Variants in RAB2A observed in about 807,000 individuals in gnomAD.
RAB2A encodes the protein RAB2A, member RAS oncogene family.
Under a neutral mutation model 32.5 loss-of-function variants are expected in RAB2A, and 7 were observed. The ratio of observed to expected loss-of-function variants is 0.22; its 90% CI spans 0.12 to 0.40. The LOEUF (loss-of-function observed/expected upper bound fraction) is 0.40, where lower values mean the gene tolerates loss of function less well. RAB2A is among the 10% of genes least tolerant of loss of function. RAB2A has a pLI of 1.00. For synonymous variants in RAB2A, 79 were observed against 85.2 expected (o/e 0.93, Z 0.40); for missense variants, 108 against 260.7 (o/e 0.41, Z 4.03).
At chr8:60,583,392 A>G (rs896886547) in intron 3 of RAB2A, among the ~76,000 whole-genome samples, 5 of 148,610 alleles carry the variant, frequency 3.4e-5, no homozygotes, top group African/African-American at 1.3e-4. Flanking sequence ...CCTCCCCAGC[A>G]ATTCTTAAAA....
In RAB2A at chr8:60,584,396, A is replaced by G. The variant is rs573139687; in HGVS notation, c.269+106A>G. The G allele has an allele frequency of 8.8e-5, 81 of 916,294 alleles. No individual in the cohort carries two copies. In the South Asian group the frequency reaches 1.1e-3, roughly 12 times the overall value. The allele number at this position is 916,294 out of a possible 1,614,324, so 56.8% of individuals were successfully genotyped here. ...ATAGCTTAGCCTTTCTGCCCCGGCTACTCACCTTTAAAACTGCATCTTGAG... is the reference window on the plus strand; with the variant it reads ...ATAGCTTAGCCTTTCTGCCCCGGCTGCTCACCTTTAAAACTGCATCTTGAG... On this transcript the variant is annotated intron_variant, in intron 4 of 7. Transcript: ENST00000262646.
At chr8:60,576,414 C>G (rs981785769) in intron 3 of RAB2A, 2 of 365,780 alleles carry the variant, frequency 5.5e-6, no homozygotes, top group African/African-American at 4.3e-5. Flanking sequence ...CCAGCATATC[C>G]AAATACATTT....
At chr8:60,525,616 G>C (rs1807366141) in intron 1 of RAB2A, among the ~76,000 whole-genome samples, 1 of 151,998 alleles carries the variant, frequency 6.6e-6, no homozygotes, top group South Asian at 2.1e-4. Context: ...TGTAGCTTTA[G>C]GTTTCTCCCA....
At chr8:60,525,937 A>T (rs1345243592) in intron 1 of RAB2A, among the ~76,000 whole-genome samples, 2 of 147,120 alleles carry the variant, frequency 1.4e-5, no homozygotes, top group Non-Finnish European at 3.0e-5. Flanking sequence ...AGATATATAT[A>T]TATGTCTATA....
chr8:60,558,801 A>G (rs758665507), intron 1 of RAB2A, 51 bp from the exon 2 acceptor site: 2 of 1,460,418 alleles, frequency 1.4e-6, no homozygotes, highest in Non-Finnish European at 1.9e-6. Flanking sequence ...TTTGTAAAGC[A>G]TCTTAATTTC....
At chr8:60,578,315 A>G (rs796094552) in intron 3 of RAB2A, among the ~76,000 whole-genome samples, 1 of 152,240 alleles carries the variant, frequency 6.6e-6, no homozygotes, top group South Asian at 2.1e-4. Flanking sequence ...AATAGTATTA[A>G]AACCAAATGA....
At chr8:60,524,495 T>G (rs1342819594) in intron 1 of RAB2A, among the ~76,000 whole-genome samples, 1 of 152,244 alleles carries the variant, frequency 6.6e-6, no homozygotes, top group Non-Finnish European at 1.5e-5. Flanking sequence ...AAAGAAACTG[T>G]CCCATTTGAT....
intron 3 of RAB2A, among the ~76,000 whole-genome samples, chr8:60,582,224 A>AT (rs1168417689): frequency 1.3e-5 from 2 of 152,028 alleles, no homozygotes; most frequent in Non-Finnish European, 2.9e-5. Flanking sequence ...GGCATGAGCC[A>AT]TTATACCCGG....
intron 1 of RAB2A, chr8:60,558,338 A>G (rs1807969160): frequency 2.2e-6 from 1 of 453,076 alleles, no homozygotes; most frequent in Non-Finnish European, 4.4e-6. Context: ...GTCAATTTTA[A>G]TAGAGTGAAG....
intron 1 of RAB2A, among the ~76,000 whole-genome samples, chr8:60,528,357 T>A (rs1418988269): frequency 6.6e-6 from 1 of 152,250 alleles, no homozygotes; most frequent in Non-Finnish European, 1.5e-5. Flanking sequence ...TATATCTTTT[T>A]TATCCTGCTT....
intron 1 of RAB2A, among the ~76,000 whole-genome samples, chr8:60,544,188 T>C (rs1236387408): frequency 6.6e-6 from 1 of 151,312 alleles, no homozygotes; most frequent in Non-Finnish European, 1.5e-5. Context: ...GCCTCCTGGA[T>C]TCAAGCTATT....
In RAB2A at chr8:60,548,886, G is replaced by C. The variant is rs1426194846; in HGVS notation, c.47-9966G>C. Among the ~76,000 whole-genome samples, 7 of 151,160 alleles carry C rather than the reference G, an allele frequency of 4.6e-5. No homozygotes were observed. The East Asian group carries it at 1.4e-3, about 30-fold the overall frequency. ...GAGACGCTCCTCACTTCTCAGACAG[G>C]GTGGCTGCCGGGCAGAGGGGCTCCT... is the stretch of plus-strand genomic sequence containing the variant. On this transcript the variant is annotated intron_variant, in intron 1 of 7. Transcript: ENST00000262646.
At chr8:60,568,991 T>C (rs993191608) in intron 2 of RAB2A, among the ~76,000 whole-genome samples, 1 of 152,232 alleles carries the variant, frequency 6.6e-6, no homozygotes, top group Non-Finnish European at 1.5e-5. Context: ...GTTTTTGGTT[T>C]CTATATTTGT....
At chr8:60,595,960 A>G (rs908738484) in intron 6 of RAB2A, among the ~76,000 whole-genome samples, 2 of 152,256 alleles carry the variant, frequency 1.3e-5, no homozygotes, top group Non-Finnish European at 2.9e-5. Context: ...TGGAAACTAA[A>G]CAGTACGCTT....
chr8:60,604,635 C>G (rs960202898), intron 6 of RAB2A, among the ~76,000 whole-genome samples: 1 of 152,182 alleles, frequency 6.6e-6, no homozygotes, highest in Non-Finnish European at 1.5e-5. Flanking sequence ...AGCAAGGAAG[C>G]TGGCTGCGTT....
intron 5 of RAB2A, among the ~76,000 whole-genome samples, chr8:60,585,149 A>G (rs373605051): frequency 6.6e-6 from 1 of 152,308 alleles, no homozygotes; most frequent in South Asian, 2.1e-4. Context: ...TTAAAATGCT[A>G]TTATATGGGA....
intron 6 of RAB2A, among the ~76,000 whole-genome samples, chr8:60,610,121 C>T (rs1400585131): frequency 6.6e-6 from 1 of 152,000 alleles, no homozygotes; most frequent in Non-Finnish European, 1.5e-5. Flanking sequence ...CCCCACCCTT[C>T]CCAGAAGCCT....
intron 5 of RAB2A, among the ~76,000 whole-genome samples, chr8:60,591,322 C>CCT (rs199647136): frequency 1.3e-4 from 20 of 150,760 alleles, no homozygotes; most frequent in African/African-American, 3.9e-4. Flanking sequence ...TCCCTCCCTC[C>CCT]CTCTCTCTCT....
intron 1 of RAB2A, among the ~76,000 whole-genome samples, chr8:60,547,575 G>A (rs1214138550): frequency 3.9e-5 from 5 of 126,784 alleles, no homozygotes; most frequent in African/African-American, 8.4e-5. Flanking sequence ...TGGGCAGAGG[G>A]GCTCCTCACT....
Sources: allele counts gnomAD v4.1 joint callset (sites outside exome capture counted in the v4.1 genomes callset), GRCh38; gene constraint gnomAD v4.1.1; transcripts MANE v1.5; gene names NCBI Gene and HGNC (gene_info 2026-07-23, HGNC 2026-07-21).